Variants in RBFOX1 observed in about 807,000 individuals in gnomAD.
RBFOX1 encodes RNA binding fox-1 homolog 1.
A neutral mutation model predicts 57.7 loss-of-function variants in RBFOX1; 8 were observed. The ratio of observed to expected loss-of-function variants is 0.14; its 90% CI spans 0.08 to 0.25. The LOEUF (loss-of-function observed/expected upper bound fraction) is 0.25, where lower values mean the gene tolerates loss of function less well. RBFOX1 is among the 10% of genes least tolerant of loss of function. The pLI is 1.00. For missense variants in RBFOX1, 611 were observed against 548.5 expected (o/e 1.11, Z -1.14); for synonymous variants, 326 against 222.4 (o/e 1.47, Z -4.15).
intron 2 of RBFOX1, among the ~76,000 whole-genome samples, chr16:6,512,928 C>G (rs2096283578): frequency 6.6e-6 from 1 of 152,300 alleles, no homozygotes; most frequent in African/African-American, 2.4e-5. Flanking sequence ...GGCCTTCTAT[C>G]TTTTGCTGTT....
At chr16:5,992,473 C>T (rs1392504652) in intron 4 of RBFOX1, among the ~76,000 whole-genome samples, 1 of 152,122 alleles carries the variant, frequency 6.6e-6, no homozygotes, top group African/African-American at 2.4e-5. Flanking sequence ...GACAGGATCC[C>T]CCAACTTAGA....
intron 14 of RBFOX1, among the ~76,000 whole-genome samples, chr16:7,694,278 C>T (rs991522815): frequency 3.3e-5 from 5 of 152,206 alleles, no homozygotes; most frequent in Non-Finnish European, 7.3e-5. Flanking sequence ...ATACATTAAA[C>T]TGAACCTTAC....
chr16:7,077,435 A>G (rs1291890496), intron 4 of RBFOX1, among the ~76,000 whole-genome samples: 3 of 152,212 alleles, frequency 2.0e-5, no homozygotes, highest in Non-Finnish European at 2.9e-5. Context: ...ATTAGCATCA[A>G]AAGCACAGAG....
chr16:5,842,988 GTTTTTTTCT>G (rs1381197848), intron 3 of RBFOX1, among the ~76,000 whole-genome samples: 4 of 151,660 alleles, frequency 2.6e-5, no homozygotes, highest in African/African-American at 9.7e-5. Context: ...CTGGCTAATT[GTTTTTTTCT>G]TTTTTTTCTT....
At chr16:7,443,374 C>T (rs1567193146) in intron 4 of RBFOX1, among the ~76,000 whole-genome samples, 1 of 151,976 alleles carries the variant, frequency 6.6e-6, no homozygotes, top group South Asian at 2.1e-4. Flanking sequence ...CACACACTCT[C>T]TTTCACATTA....
intron 1 of RBFOX1, among the ~76,000 whole-genome samples, chr16:6,043,118 CAGAAAAAAAAAAAAAAAAAAAAAAA>C (rs1567320070): frequency 5.3e-5 from 2 of 37,776 alleles, no homozygotes; most frequent in Admixed American, 4.8e-4. Flanking sequence ...ATTGTGTTTC[CAGAAAAAAAAAAAAAAAAAAAAAAA>C]AAAAAAAAAA....
At chr16:6,516,255 C>T (rs1423781927) in intron 2 of RBFOX1, among the ~76,000 whole-genome samples, 2 of 152,184 alleles carry the variant, frequency 1.3e-5, no homozygotes, top group African/African-American at 2.4e-5. Flanking sequence ...TCTCGAACTC[C>T]TGACCTCAGG....
intron 1 of RBFOX1, among the ~76,000 whole-genome samples, chr16:6,237,719 C>A (rs1045812758): frequency 6.6e-6 from 1 of 151,058 alleles, no homozygotes; most frequent in Non-Finnish European, 1.5e-5. Context: ...CCAGCCTGGG[C>A]GACAGAGTGA....
At chr16:6,851,107 C>G (rs1372672698) in intron 3 of RBFOX1, among the ~76,000 whole-genome samples, 1 of 152,094 alleles carries the variant, frequency 6.6e-6, no homozygotes, top group Non-Finnish European at 1.5e-5. Context: ...GAGTTTCACT[C>G]CCTTGTGGTG....
chr16:5,269,750 A>T (rs1354260658), intron 1 of RBFOX1, among the ~76,000 whole-genome samples: 3 of 152,190 alleles, frequency 2.0e-5, no homozygotes, highest in Non-Finnish European at 4.4e-5. Context: ...TCTAAAATTG[A>T]CTAGTAATGT....
intron 3 of RBFOX1, among the ~76,000 whole-genome samples, chr16:5,858,591 A>T (rs765152497): frequency 1.3e-5 from 2 of 152,332 alleles, no homozygotes; most frequent in East Asian, 3.9e-4. Flanking sequence ...AAGTAAAACT[A>T]TTCTTAGGTT....
intron 4 of RBFOX1, among the ~76,000 whole-genome samples, chr16:7,052,831 C>T (rs1380332224): frequency 1.3e-5 from 2 of 152,132 alleles, no homozygotes; most frequent in Middle Eastern, 3.4e-3. Flanking sequence ...TAAATGAATT[C>T]GTGTTTTCAG....
rs557899218 is a variant in RBFOX1, at chr16:5,936,233, C to T, written c.351+68898C>T. 3.1e-4 allele frequency among the ~76,000 whole-genome samples: 47 copies of T among 152,250 alleles called. No individual in the cohort carries two copies. The East Asian group carries it at 4.8e-3, about 16-fold the overall frequency. On this transcript the variant is annotated intron_variant, in intron 4 of 19. Coordinates refer to the RBFOX1 transcript ENST00000641259. ...CTGTCTCCCAGGTTCAAGCGATTCT[C>T]GTGCCTCAGCATCCTGAGTAGCTGG...
At chr16:7,526,261 A>C (rs763026762) in intron 5 of RBFOX1, among the ~76,000 whole-genome samples, 2 of 152,068 alleles carry the variant, frequency 1.3e-5, no homozygotes, top group Non-Finnish European at 2.9e-5. Context: ...TGGTACCAAA[A>C]ATTTTGGGGA....
chr16:6,549,595 C>G (rs2096955098), intron 2 of RBFOX1, among the ~76,000 whole-genome samples: 1 of 150,968 alleles, frequency 6.6e-6, no homozygotes, highest in Non-Finnish European at 1.5e-5. Flanking sequence ...AAAGCATTCA[C>G]TTGAAGATAC....
intron 4 of RBFOX1, among the ~76,000 whole-genome samples, chr16:7,437,938 A>G (rs983433083): frequency 1.3e-5 from 2 of 151,902 alleles, no homozygotes; most frequent in African/African-American, 2.4e-5. Context: ...GCGATCATCA[A>G]TTTAAATTCT....
At chr16:6,615,199 A>G (rs368013449) in intron 2 of RBFOX1, among the ~76,000 whole-genome samples, 61 of 152,322 alleles carry the variant, frequency 4.0e-4, no homozygotes, top group African/African-American at 1.4e-3. Context: ...TTTTTACTCT[A>G]TAAAGGAATG....
At chr16:6,214,460 G>T (rs1234624685) in intron 1 of RBFOX1, among the ~76,000 whole-genome samples, 3 of 144,202 alleles carry the variant, frequency 2.1e-5, no homozygotes, top group Non-Finnish European at 4.6e-5. Flanking sequence ...GAGAGGGAGA[G>T]CGACAGGGAG....
intron 1 of RBFOX1, among the ~76,000 whole-genome samples, chr16:6,303,084 G>A (rs899994359): frequency 3.3e-5 from 5 of 152,094 alleles, no homozygotes. Flanking sequence ...TGCCTTGATC[G>A]TTTTACTATT....
Sources: allele counts gnomAD v4.1 joint callset (sites outside exome capture counted in the v4.1 genomes callset), GRCh38; gene constraint gnomAD v4.1.1; transcripts MANE v1.5; gene names NCBI Gene and HGNC (gene_info 2026-07-23, HGNC 2026-07-21).